Variants in LINGO1 observed in about 807,000 individuals in gnomAD.
The protein encoded by LINGO1 is leucine rich repeat and Ig domain containing 1.
A neutral mutation model predicts 37.3 loss-of-function variants in LINGO1; 11 were observed. The ratio of observed to expected loss-of-function variants is 0.29; its 90% CI spans 0.19 to 0.49. The LOEUF (loss-of-function observed/expected upper bound fraction) is 0.49. LINGO1 is among the 20% of genes least tolerant of loss of function. The pLI, the probability that LINGO1 is intolerant of heterozygous loss-of-function variation, is 0.99. For synonymous variants in LINGO1, 387 were observed against 403.0 expected (o/e 0.96, Z 0.48); for missense variants, 585 against 878.2 (o/e 0.67, Z 4.22).
In LINGO1 at chr15:77,792,435, G is replaced by A. The variant is rs189216057; in HGVS notation, c.-343+3504C>T. On this transcript the variant is annotated intron_variant, in intron 2 of 5. Coordinates refer to the LINGO1 transcript ENST00000562933. ...TGTAACTCCTGGCCCTGCATGCCTC[G>A]TTTCTCAGCCCCTCTTCCTCAAGGG... Among the ~76,000 whole-genome samples, 251 of 152,226 alleles carry A rather than the reference G, an allele frequency of 1.6e-3. 1 individual carries two copies. Among genetic ancestry groups the A allele is most frequent in the Non-Finnish European group, 2.6e-3 (179 of 68,008 alleles).
chr15:77,638,503 G>A (rs754057492), upstream of LINGO1, among the ~76,000 whole-genome samples: 1 of 152,210 alleles, frequency 6.6e-6, no homozygotes, highest in South Asian at 2.1e-4. Context: ...AGCCTGGCTC[G>A]GCTGTCCCCA....
At chr15:77,687,064 A>G (rs1206563927) in intron 2 of LINGO1, among the ~76,000 whole-genome samples, 1 of 152,174 alleles carries the variant, frequency 6.6e-6, no homozygotes, top group African/African-American at 2.4e-5. Context: ...GACAATGCTG[A>G]GCTCAGTGTG....
At chr15:77,796,293 CAT>C (rs1446644350) in intron 1 of LINGO1, among the ~76,000 whole-genome samples, 1 of 152,124 alleles carries the variant, frequency 6.6e-6, no homozygotes, top group African/African-American at 2.4e-5. Flanking sequence ...TGCATGCCCA[CAT>C]GTGCGTGCGG....
intron 3 of LINGO1, among the ~76,000 whole-genome samples, chr15:77,661,318 G>A (rs1395090305): frequency 2.0e-5 from 3 of 152,222 alleles, no homozygotes; most frequent in Admixed American, 6.5e-5. Flanking sequence ...TTCTTGGACA[G>A]CATGGGAACA....
chr15:77,797,914 G>A (rs2076886413), intron 1 of LINGO1, among the ~76,000 whole-genome samples: 1 of 152,226 alleles, frequency 6.6e-6, no homozygotes, highest in Non-Finnish European at 1.5e-5. Flanking sequence ...AGATGTAGGA[G>A]ATGCTTTGGG....
At chr15:77,804,001 G>C (rs2076939856) in intron 1 of LINGO1, among the ~76,000 whole-genome samples, 1 of 152,110 alleles carries the variant, frequency 6.6e-6, no homozygotes, top group African/African-American at 2.4e-5. Flanking sequence ...GTGTGGCCTG[G>C]GGGCTGGAAC....
chr15:77,697,856 A>C (rs1417653736), upstream of LINGO1, among the ~76,000 whole-genome samples: 1 of 152,188 alleles, frequency 6.6e-6, no homozygotes, highest in Non-Finnish European at 1.5e-5. Flanking sequence ...AGGGCACCGC[A>C]GACTGCACCA....
chr15:77,630,868 T>C (rs898747450), intron 1 of LINGO1, among the ~76,000 whole-genome samples: 7 of 152,150 alleles, frequency 4.6e-5, no homozygotes, highest in Non-Finnish European at 1.0e-4. Context: ...CAAGGAGTTA[T>C]TGGTCTCTCC....
rs1216677507 is a variant in LINGO1, at chr15:77,632,651, T to A, written c.-336A>T. ...CCGGCCCGGAGCCGCCGCCGCCGCC[T>A]CTGCCGCTGGGGCCGGGGTCGAGGC... On this transcript the variant is annotated 5_prime_UTR_variant, in exon 1 of 2. Coordinates refer to ENST00000355300, the MANE Select transcript of LINGO1 (RefSeq NM_032808.7). The surrounding 1 kb of genome is among the most constrained non-coding windows in gnomAD (Gnocchi z 6.0). Among the ~76,000 whole-genome samples, 1 of 145,390 alleles carries A rather than the reference T, an allele frequency of 6.9e-6. No homozygotes were observed. The highest frequency in any genetic ancestry group is 1.5e-5 in the Non-Finnish European group (1 of 65,590).
At chr15:77,641,839 A>G in intron 3 of LINGO1, 1 of 456,284 alleles carries the variant, frequency 2.2e-6, no homozygotes, top group Non-Finnish European at 4.4e-6. Flanking sequence ...AGGATGTCAG[A>G]GGTCCTGCCC....
chr15:77,714,872 G>A (rs2075964947), intron 2 of LINGO1, among the ~76,000 whole-genome samples: 1 of 152,222 alleles, frequency 6.6e-6, no homozygotes, highest in Non-Finnish European at 1.5e-5. Flanking sequence ...ATTTCCCCAC[G>A]TCTTGGCTGG....
At chr15:77,633,881 C>G (rs2074340171), upstream of LINGO1, among the ~76,000 whole-genome samples, 1 of 152,182 alleles carries the variant, frequency 6.6e-6, no homozygotes, top group Non-Finnish European at 1.5e-5. Flanking sequence ...ACCCTCAGGA[C>G]CTCACCTTTT....
At chr15:77,677,987 T>C (rs1231402948) in intron 2 of LINGO1, among the ~76,000 whole-genome samples, 1 of 151,990 alleles carries the variant, frequency 6.6e-6, no homozygotes, top group East Asian at 1.9e-4. Flanking sequence ...TCACCTCCCC[T>C]CCAGACCACA....
chr15:77,662,439 G>A (rs1376528731), intron 3 of LINGO1, among the ~76,000 whole-genome samples: 4 of 152,122 alleles, frequency 2.6e-5, no homozygotes, highest in Non-Finnish European at 4.4e-5. Context: ...GAGGGAACAG[G>A]CTGCCCAGCC....
At chr15:77,651,418 G>T (rs1230579193) in intron 3 of LINGO1, 2 of 152,212 alleles carry the variant, frequency 1.3e-5, no homozygotes, top group African/African-American at 4.8e-5. Flanking sequence ...GGAGGCTGGA[G>T]AATCTTAACA....
chr15:77,707,817 G>A (rs1412676792), intron 2 of LINGO1, among the ~76,000 whole-genome samples: 2 of 152,184 alleles, frequency 1.3e-5, no homozygotes, highest in African/African-American at 4.8e-5. Flanking sequence ...ATGCCAGGCA[G>A]GAGCACAGGC....
chr15:77,766,650 C>A (rs576534136), intron 1 of LINGO1, among the ~76,000 whole-genome samples: 1 of 152,172 alleles, frequency 6.6e-6, no homozygotes, highest in African/African-American at 2.4e-5. Flanking sequence ...TCTGGCATTT[C>A]CCCTGCTTGC....
intron 1 of LINGO1, among the ~76,000 whole-genome samples, chr15:77,764,525 A>G (rs1165279578): frequency 1.3e-5 from 2 of 152,188 alleles, no homozygotes; most frequent in Non-Finnish European, 2.9e-5. Context: ...TTTAAAAGGC[A>G]AAGAATAGGA....
At chr15:77,788,255 C>T (rs979325960), upstream of LINGO1, 1 of 152,244 alleles carries the variant, frequency 6.6e-6, no homozygotes, top group Non-Finnish European at 1.5e-5. Flanking sequence ...CCCCCTATAA[C>T]CCCCTCTGCG....
Sources: gnomAD v4.1 joint callset for allele counts (sites outside exome capture counted in the v4.1 genomes callset) on GRCh38, gnomAD v4.1.1 for gene constraint, Gnocchi (gnomAD v3.1) non-coding constraint, MANE v1.5 for transcripts, NCBI Gene and HGNC (gene_info 2026-07-23, HGNC 2026-07-21) for gene names.